Variants in ATP11A observed in about 807,000 individuals in gnomAD.
The protein encoded by ATP11A is phospholipid-transporting ATPase IH.
A neutral mutation model predicts 154.4 loss-of-function variants in ATP11A; 81 were observed. The observed-to-expected ratio is 0.52, with a 90% CI of 0.44 to 0.63. ATP11A has a LOEUF of 0.63. ATP11A is among the 30% of genes least tolerant of loss of function. ATP11A has a pLI of 0.00. For synonymous variants in ATP11A, 623 were observed against 585.9 expected, an observed-to-expected ratio of 1.06 and a Z score of -0.91; for missense variants, 1,316 against 1,474.3, an observed-to-expected ratio of 0.89 and a Z score of 1.76.
intron 1 of ATP11A, among the ~76,000 whole-genome samples, chr13:112,721,442 G>C (rs1420958381): frequency 6.6e-6 from 1 of 152,218 alleles, no homozygotes; most frequent in Non-Finnish European, 1.5e-5. Flanking sequence ...GATATGTCGA[G>C]GGAAGCCGGG....
intron 2 of ATP11A, among the ~76,000 whole-genome samples, chr13:112,797,330 A>G (rs1343471269): frequency 1.3e-5 from 2 of 151,862 alleles, no homozygotes; most frequent in African/African-American, 2.4e-5. Flanking sequence ...GCATAATGAA[A>G]AAAACAAAAG....
chr13:112,813,946 C>T (rs71446653), intron 5 of ATP11A, among the ~76,000 whole-genome samples: 9,947 of 152,122 alleles, frequency 0.065, 464 homozygotes, highest in Middle Eastern at 0.14. Flanking sequence ...GTCATATAAT[C>T]TAGATAGTAA....
chr13:112,714,331 G>A (rs553528160), intron 1 of ATP11A, among the ~76,000 whole-genome samples: 3 of 150,242 alleles, frequency 2.0e-5, no homozygotes, highest in South Asian at 2.1e-4. Flanking sequence ...GGGGTGTTCC[G>A]CTGCAGCCAC....
chr13:112,854,133 T>G, intron 18 of ATP11A, 146 bp from the exon 19 acceptor site: 1 of 1,062,396 alleles, frequency 9.4e-7, no homozygotes, highest in Non-Finnish European at 1.4e-6. Context: ...TACTTCGTGG[T>G]GAGATCATGA....
intron 25 of ATP11A, among the ~76,000 whole-genome samples, chr13:112,869,867 G>A (rs768898707): frequency 4.6e-5 from 7 of 152,232 alleles, no homozygotes; most frequent in South Asian, 2.1e-4. Context: ...ACAAAGAGAC[G>A]GCACTTTTTG....
rs1393278848 is a variant in ATP11A at position 112,819,910 on chromosome 13, C to T, written c.685C>T (p.Arg229Cys). The T allele has an allele frequency of 3.7e-6, 6 of 1,613,754 alleles. No homozygotes were observed. Among genetic ancestry groups the T allele is most frequent in the Admixed American group, 1.7e-5 (1 of 59,942 alleles). The change falls in exon 8 of 30, where the codon CGC becomes TGC. Residue 229 changes from arginine (R) to cysteine (C), a missense_variant. Physicochemically the swap from Arg to Cys is radical, Grantham distance 180. Around this residue, in one of 5 missense-constraint regions of ATP11A, gnomAD observed 876 missense variants for 1,006.8 expected, o/e 0.87. Transcript: ENST00000375645. Reference protein sequence around the residue: ...PQPDLYKFVGRINVYSDLNDP... With the variant: ...PQPDLYKFVGCINVYSDLNDP... ...CTTTTCTGTCGCCAGGTTCGTGGGT[C>T]GCATCAACGTTTACAGTGACCTGAA...
intron 1 of ATP11A, among the ~76,000 whole-genome samples, chr13:112,765,370 C>CT (rs1285909108): frequency 6.6e-6 from 1 of 152,156 alleles, no homozygotes; most frequent in African/African-American, 2.4e-5. Flanking sequence ...TGGTCCTGGC[C>CT]TGGGGGGGTC....
At chr13:112,712,519 G>T (rs990883091) in intron 1 of ATP11A, among the ~76,000 whole-genome samples, 1 of 152,062 alleles carries the variant, frequency 6.6e-6, no homozygotes, top group African/African-American at 2.4e-5. Flanking sequence ...CAGCAACCCC[G>T]TCCTGTCCTT....
intron 1 of ATP11A, among the ~76,000 whole-genome samples, chr13:112,704,483 T>C (rs980294356): frequency 5.3e-5 from 8 of 152,276 alleles, no homozygotes; most frequent in African/African-American, 1.9e-4. Context: ...CCCCGCGTTG[T>C]CTTATCTGGA....
intron 1 of ATP11A, among the ~76,000 whole-genome samples, chr13:112,748,966 C>T (rs1027415384): frequency 1.3e-5 from 2 of 152,338 alleles, no homozygotes; most frequent in Non-Finnish European, 2.9e-5. Context: ...TTCCACATCA[C>T]GGAGCACACA....
At position 112,807,756 on chromosome 13, in the gene ATP11A, G is replaced by A. The variant is rs979237559; in HGVS notation, c.333+1463G>A. The stretch of plus-strand genomic sequence containing the variant: ...CGTGGAGATTAGGTGAGGGCGTCCC[G>A]TGCTATCTGTGATACATCTGTGTGG... On this transcript the variant is annotated intron_variant, in intron 4 of 29. Transcript: ENST00000375645. This position sits in a 1 kb window ranked among gnomAD's most constrained non-coding sequence, Gnocchi z 4.5. Among the ~76,000 whole-genome samples, 5 of 152,072 alleles carry A rather than the reference G, an allele frequency of 3.3e-5. No homozygotes were observed. Among genetic ancestry groups the A allele is most frequent in the Non-Finnish European group, 5.9e-5 (4 of 67,996 alleles).
intron 2 of ATP11A, among the ~76,000 whole-genome samples, chr13:112,787,664 T>G (rs432868): frequency 0.15 from 4,991 of 33,392 alleles, 6 homozygotes; most frequent in Middle Eastern, 0.32. Flanking sequence ...CCCCTGTGGA[T>G]ACCTACTTAA....
intron 1 of ATP11A, among the ~76,000 whole-genome samples, chr13:112,759,091 A>G (rs2076908706): frequency 6.6e-6 from 1 of 152,248 alleles, no homozygotes; most frequent in Non-Finnish European, 1.5e-5. Flanking sequence ...TGCAGGGTAT[A>G]GAAATTCATC....
intron 26 of ATP11A, 81 bp downstream of exon 26, chr13:112,871,881 G>A: frequency 7.1e-7 from 1 of 1,404,380 alleles, no homozygotes; most frequent in Non-Finnish European, 1.0e-6. Context: ...TGAGCTCTCT[G>A]AATTATAACT....
chr13:112,775,657 C>A (rs1309334652), intron 1 of ATP11A, among the ~76,000 whole-genome samples: 6 of 152,096 alleles, frequency 3.9e-5, no homozygotes, highest in Non-Finnish European at 4.4e-5. Context: ...TTTGTGAGAT[C>A]TGGGTGATTT....
intron 25 of ATP11A, among the ~76,000 whole-genome samples, chr13:112,870,886 G>T (rs869372): frequency 1.3e-5 from 2 of 152,076 alleles, no homozygotes; most frequent in African/African-American, 4.8e-5. Context: ...GTAGAGAGGC[G>T]TGCTGTCCTC....
intron 1 of ATP11A, among the ~76,000 whole-genome samples, chr13:112,740,148 C>CTCTCTA (rs1454988788): frequency 1.0e-4 from 14 of 137,886 alleles, no homozygotes; most frequent in African/African-American, 3.3e-4. Flanking sequence ...CTCTCTCTCT[C>CTCTCTA]TATATATATA....
chr13:112,707,792 G>T (rs1887316465), intron 1 of ATP11A, among the ~76,000 whole-genome samples: 1 of 152,222 alleles, frequency 6.6e-6, no homozygotes, highest in African/African-American at 2.4e-5. Context: ...GTGACAACCG[G>T]CTCAGTGGTT....
chr13:112,708,547 A>G (rs1887406374), intron 1 of ATP11A, among the ~76,000 whole-genome samples: 1 of 152,260 alleles, frequency 6.6e-6, no homozygotes, highest in Non-Finnish European at 1.5e-5. Flanking sequence ...TAAAACGTAA[A>G]AGGAGTATTA....
Sources: gnomAD v4.1 joint callset for allele counts (sites outside exome capture counted in the v4.1 genomes callset) on GRCh38, gnomAD v4.1.1 for gene constraint, gnomAD v4.1.1 regional missense constraint, Gnocchi (gnomAD v3.1) non-coding constraint, MANE v1.5 for transcripts, NCBI Gene and HGNC (gene_info 2026-07-23, HGNC 2026-07-21) for gene names.